Variants in CDH13 observed in about 807,000 individuals in gnomAD.
CDH13 encodes the protein cadherin-13.
In CDH13, 24 loss-of-function variants were observed where a neutral mutation model predicts 63.8. That is an observed-to-expected ratio of 0.38 (90% confidence interval 0.27 to 0.53). CDH13 has a LOEUF of 0.53. Among genes scored for constraint, CDH13 ranks in the 20% least tolerant of loss-of-function variants. The probability of loss-of-function intolerance (pLI) is 0.85; values close to 1 mark genes in which losing one functional copy is unlikely to be tolerated. For missense variants in CDH13, 1,049 were observed against 903.1 expected (o/e 1.16, Z -2.07); for synonymous variants, 503 against 355.3 (o/e 1.42, Z -4.67).
At chr16:82,937,695 A>G (rs935906306) in intron 2 of CDH13, among the ~76,000 whole-genome samples, 1 of 152,164 alleles carries the variant, frequency 6.6e-6, no homozygotes, top group Non-Finnish European at 1.5e-5. Flanking sequence ...CAGGAACTTC[A>G]TTTTTTCTAT....
chr16:83,069,146 ATTTG>A (rs1377649467), intron 3 of CDH13, among the ~76,000 whole-genome samples: 2 of 152,174 alleles, frequency 1.3e-5, no homozygotes, highest in Non-Finnish European at 2.9e-5. Context: ...ATCTTGAATT[ATTTG>A]TTTGCATCTT....
At chr16:82,663,502 A>ACAGTCCC (rs151040583) in intron 1 of CDH13, among the ~76,000 whole-genome samples, 5,863 of 152,104 alleles carry the variant, frequency 0.039, 236 homozygotes, top group East Asian at 0.26. Flanking sequence ...CTCATTTTAC[A>ACAGTCCC]CAGTCCCCTG....
chr16:82,684,176 C>A (rs533409729), intron 1 of CDH13, among the ~76,000 whole-genome samples: 3 of 152,238 alleles, frequency 2.0e-5, no homozygotes, highest in South Asian at 2.1e-4. Flanking sequence ...CAGGTTTTGA[C>A]ACCTGAAGAC....
chr16:83,037,377 T>A (rs1916956834), intron 3 of CDH13, among the ~76,000 whole-genome samples: 1 of 152,166 alleles, frequency 6.6e-6, no homozygotes, highest in Non-Finnish European at 1.5e-5. Context: ...CCTGCCACTT[T>A]GCTGCTAGAA....
At chr16:82,817,591 G>A (rs768599913) in intron 1 of CDH13, among the ~76,000 whole-genome samples, 61 of 152,202 alleles carry the variant, frequency 4.0e-4, no homozygotes, top group Non-Finnish European at 7.8e-4. Context: ...ATCACCTGAG[G>A]TCAGGAGTTC....
chr16:83,187,356 A>G (rs112376593), intron 4 of CDH13, among the ~76,000 whole-genome samples: 9 of 152,278 alleles, frequency 5.9e-5, no homozygotes, highest in African/African-American at 1.9e-4. Flanking sequence ...TGAGCTTGAC[A>G]TTTTTATGTT....
intron 6 of CDH13, among the ~76,000 whole-genome samples, chr16:83,416,445 G>A (rs1310099241): frequency 6.6e-6 from 1 of 152,156 alleles, no homozygotes; most frequent in Admixed American, 6.6e-5. Flanking sequence ...ATTCACCTGT[G>A]ACTATATCTG....
intron 2 of CDH13, among the ~76,000 whole-genome samples, chr16:82,957,496 T>A (rs1238975783): frequency 6.6e-6 from 1 of 152,166 alleles, no homozygotes. Flanking sequence ...TAGCATGCCC[T>A]CTTTACAAAT....
intron 2 of CDH13, among the ~76,000 whole-genome samples, chr16:82,924,023 T>C (rs1178868682): frequency 6.6e-6 from 1 of 152,232 alleles, no homozygotes; most frequent in Admixed American, 6.5e-5. Context: ...TTGTAAGAAC[T>C]ACTGATGGGT....
At chr16:83,580,639 C>T (rs1381079271) in intron 7 of CDH13, among the ~76,000 whole-genome samples, 3 of 151,978 alleles carry the variant, frequency 2.0e-5, no homozygotes. Context: ...AGACTACAGG[C>T]ATGCGCTACC....
intron 4 of CDH13, among the ~76,000 whole-genome samples, chr16:83,161,419 T>C (rs774801998): frequency 6.6e-6 from 1 of 152,174 alleles, no homozygotes; most frequent in Non-Finnish European, 1.5e-5. Flanking sequence ...AAATGAGTAA[T>C]TCTAATTGTA....
chr16:82,912,301 A>T (rs1371186492), intron 2 of CDH13, among the ~76,000 whole-genome samples: 2 of 152,154 alleles, frequency 1.3e-5, no homozygotes, highest in African/African-American at 4.8e-5. Context: ...GTCATACTTC[A>T]CAGAAATTAA....
intron 1 of CDH13, among the ~76,000 whole-genome samples, chr16:82,709,648 T>G (rs746549016): frequency 2.0e-5 from 3 of 152,222 alleles, no homozygotes; most frequent in Non-Finnish European, 2.9e-5. Context: ...ATAGCAAGTG[T>G]TGGCTGAAGA....
chr16:83,744,437 A>G lies in CDH13; in HGVS notation c.1539-3671A>G, dbSNP rs191969421. On this transcript the variant is annotated intron_variant, in intron 10 of 13. Coordinates refer to ENST00000567109, the MANE Select transcript of CDH13 (RefSeq NM_001257.5). ...AGCAGTTCATTCTCATGAGTAATTC[A>G]TCGCTTCTGTTTTCACAAAATAGTG... 6.0e-4 allele frequency among the ~76,000 whole-genome samples: 92 copies of G among 152,360 alleles called. 1 individual carries two copies. Among genetic ancestry groups the G allele is most frequent in the Non-Finnish European group, 7.2e-4 (49 of 68,038 alleles).
intron 1 of CDH13, among the ~76,000 whole-genome samples, chr16:82,811,314 T>C (rs2037434350): frequency 6.6e-6 from 1 of 152,204 alleles, no homozygotes. Flanking sequence ...AAGTCAGCTG[T>C]TAAACATTGA....
intron 1 of CDH13, among the ~76,000 whole-genome samples, chr16:82,652,022 C>T (rs1269824595): frequency 1.3e-5 from 2 of 152,224 alleles, no homozygotes; most frequent in Admixed American, 6.5e-5. Flanking sequence ...TTTCACTTCT[C>T]ATTTTGAAAG....
At chr16:83,577,010 G>C (rs539196867) in intron 7 of CDH13, among the ~76,000 whole-genome samples, 25 of 152,208 alleles carry the variant, frequency 1.6e-4, no homozygotes, top group Admixed American at 5.2e-4. Context: ...TAACTAATAA[G>C]TCCAGTGACA....
At chr16:83,001,671 T>C (rs1439624115) in intron 2 of CDH13, among the ~76,000 whole-genome samples, 1 of 152,220 alleles carries the variant, frequency 6.6e-6, no homozygotes, top group African/African-American at 2.4e-5. Context: ...TTTGCTTCTC[T>C]TGTCAGAAGG....
chr16:82,975,845 A>G lies in CDH13; in HGVS notation c.158-56165A>G, dbSNP rs867208384. Among the ~76,000 whole-genome samples, 6 of 152,284 alleles carry G rather than the reference A, an allele frequency of 3.9e-5. No individual in the cohort carries two copies. The East Asian group carries it at 1.2e-3, about 29-fold the overall frequency. ...CCCTTGTCTATACCCCCATCCCTGAAAAATGGGGGTTTCCTTTTAGGGCTT... is the reference window on the plus strand; with the variant it reads ...CCCTTGTCTATACCCCCATCCCTGAGAAATGGGGGTTTCCTTTTAGGGCTT... On this transcript the variant is annotated intron_variant, in intron 2 of 13. Coordinates refer to ENST00000567109, the MANE Select transcript of CDH13 (RefSeq NM_001257.5).
Sources: allele counts gnomAD v4.1 joint callset (sites outside exome capture counted in the v4.1 genomes callset), GRCh38; gene constraint gnomAD v4.1.1; transcripts MANE v1.5; gene names NCBI Gene and HGNC (gene_info 2026-07-23, HGNC 2026-07-21).